The following PGPEP1L variants were observed in gnomAD, a reference collection of about 807,000 sequenced individuals.
PGPEP1L encodes pyroglutamyl-peptidase 1-like protein.
In PGPEP1L, 7 loss-of-function variants were observed where a neutral mutation model predicts 6.0. The observed-to-expected ratio is 1.17, with a 90% CI of 0.66 to 2.19. PGPEP1L has a LOEUF of 2.19. Among genes scored for constraint, PGPEP1L ranks in the 30% most tolerant of loss-of-function variants. The pLI, the probability that PGPEP1L is intolerant of heterozygous loss-of-function variation, is 0.00. For missense variants in PGPEP1L, 209 were observed against 192.5 expected, an observed-to-expected ratio of 1.09 and a Z score of -0.51; for synonymous variants, 103 against 83.9, an observed-to-expected ratio of 1.23 and a Z score of -1.24.
chr15:98,988,532 G>T (rs2017778738), intron 2 of PGPEP1L, among the ~76,000 whole-genome samples: 1 of 152,212 alleles, frequency 6.6e-6, no homozygotes, highest in Admixed American at 6.5e-5. Flanking sequence ...CTGGGACAGA[G>T]CACCTGGGGG....
intron 1 of PGPEP1L, among the ~76,000 whole-genome samples, chr15:99,006,534 AAAAC>A (rs1259048723): frequency 6.6e-6 from 1 of 152,270 alleles, no homozygotes; most frequent in Non-Finnish European, 1.5e-5. Flanking sequence ...ATTTAAAAAC[AAAAC>A]AAACTTTTGG....
At chr15:99,000,017 CCAGCTCTCT>C (rs2017938233) in intron 2 of PGPEP1L, among the ~76,000 whole-genome samples, 1 of 152,254 alleles carries the variant, frequency 6.6e-6, no homozygotes, top group Admixed American at 6.5e-5. Context: ...AAGGCCAGCG[CCAGCTCTCT>C]CAGCTTGCAG....
chr15:98,971,178 G>T lies in PGPEP1L; in HGVS notation c.-141-20C>A. The T allele has an allele frequency of 1.5e-6, 2 of 1,355,844 alleles. No individual in the cohort carries two copies. The highest frequency in any genetic ancestry group is 1.2e-5 in the South Asian group (1 of 80,842). 84.0% of individuals were successfully genotyped at this position (1,355,844 alleles called of 1,614,324 possible). A position where few individuals can be genotyped will look rare whatever the true frequency, so the allele number is the denominator to read the frequency against. ...GAGCTCCTGAGGAAAGCGGCAGGTG[G>T]ACTTGCCTCAGTTGATGGGGGGGGG... is the stretch of plus-strand genomic sequence containing the variant. On this transcript the variant is annotated intron_variant, in intron 2 of 4. Coordinates refer to ENST00000535714, the MANE Select transcript of PGPEP1L (RefSeq NM_001167902.2).
intron 3 of PGPEP1L, 62 bp downstream of exon 3, chr15:98,970,974 G>T (rs2017484542): frequency 1.2e-6 from 2 of 1,600,468 alleles, no homozygotes; most frequent in Non-Finnish European, 1.7e-6. Context: ...GGACCCGGGG[G>T]TTCAGAGGCT....
intron 2 of PGPEP1L, among the ~76,000 whole-genome samples, chr15:98,984,521 T>A (rs2017718824): frequency 6.6e-6 from 1 of 152,196 alleles, no homozygotes; most frequent in Non-Finnish European, 1.5e-5. Context: ...CCATGTGCCC[T>A]TTTGTTCATT....
At chr15:98,974,579 C>G (rs2017542252) in intron 2 of PGPEP1L, among the ~76,000 whole-genome samples, 1 of 152,082 alleles carries the variant, frequency 6.6e-6, no homozygotes, top group African/African-American at 2.4e-5. Context: ...TGAGCTGATA[C>G]CAATTCTACT....
chr15:98,975,085 TG>T, intron 2 of PGPEP1L, among the ~76,000 whole-genome samples: 1 of 152,214 alleles, frequency 6.6e-6, no homozygotes. Context: ...CATGAATGAA[TG>T]AATGAATGGA....
chr15:98,969,038 T>C (rs779816092), intron 4 of PGPEP1L, among the ~76,000 whole-genome samples: 1 of 152,216 alleles, frequency 6.6e-6, no homozygotes, highest in African/African-American at 2.4e-5. Context: ...CTACTGGGGA[T>C]CGGAGTTTGG....
intron 2 of PGPEP1L, among the ~76,000 whole-genome samples, chr15:98,975,048 C>T (rs1333768407): frequency 6.6e-6 from 1 of 152,030 alleles, no homozygotes; most frequent in Non-Finnish European, 1.5e-5. Flanking sequence ...TTCATAATAG[C>T]CAGGATATGA....
At chr15:98,979,046 TA>T (rs201925479) in intron 2 of PGPEP1L, among the ~76,000 whole-genome samples, 11,691 of 151,020 alleles carry the variant, frequency 0.077, 574 homozygotes, top group African/African-American at 0.13. Flanking sequence ...TATATATATA[TA>T]TATTTTTATT....
intron 2 of PGPEP1L, among the ~76,000 whole-genome samples, chr15:98,996,964 G>A (rs2017897238): frequency 6.6e-6 from 1 of 152,156 alleles, no homozygotes; most frequent in Non-Finnish European, 1.5e-5. Context: ...CCATTTCACA[G>A]ATGAGAAAAT....
chr15:99,001,504 C>T (rs1194157088), intron 2 of PGPEP1L, among the ~76,000 whole-genome samples: 2 of 152,062 alleles, frequency 1.3e-5, no homozygotes, highest in Non-Finnish European at 2.9e-5. Context: ...TATGTAACTT[C>T]GTGACTATAC....
chr15:98,993,058 T>C (rs1175824392), intron 2 of PGPEP1L, among the ~76,000 whole-genome samples: 1 of 152,178 alleles, frequency 6.6e-6, no homozygotes, highest in Non-Finnish European at 1.5e-5. Flanking sequence ...AAAGACTTCA[T>C]GACTAAAACA....
At chr15:99,001,192 G>C (rs1555472967) in intron 2 of PGPEP1L, 3 of 431,130 alleles carry the variant, frequency 7.0e-6, no homozygotes, top group South Asian at 3.3e-5. Flanking sequence ...CTCACCACGA[G>C]AGTCCGCGGC....
chr15:98,981,682 T>C (rs1352220223), intron 2 of PGPEP1L, among the ~76,000 whole-genome samples: 1 of 152,142 alleles, frequency 6.6e-6, no homozygotes, highest in African/African-American at 2.4e-5. Flanking sequence ...GGACTTTATG[T>C]AAAGGTAATA....
chr15:98,986,475 A>G (rs880003115), intron 2 of PGPEP1L, among the ~76,000 whole-genome samples: 2 of 152,240 alleles, frequency 1.3e-5, no homozygotes, highest in East Asian at 3.8e-4. Flanking sequence ...TCAGGAGGGT[A>G]ACGTGCCAAC....
At chr15:98,975,614 C>T (rs1048433144) in intron 2 of PGPEP1L, among the ~76,000 whole-genome samples, 5 of 152,188 alleles carry the variant, frequency 3.3e-5, no homozygotes, top group African/African-American at 1.2e-4. Flanking sequence ...GGCATGGTCG[C>T]TCACGCCTGT....
rs747460829 is a variant in PGPEP1L at position 98,968,582 on chromosome 15, A to G, written c.325T>C (p.Leu109=). Residue 109 remains leucine (L), a synonymous_variant, in exon 5 of 5, where the codon TTG becomes CTG. Transcript: ENST00000535714. The part of the protein sequence containing the change: ...GLPASLLGRA[L]RVIIQEMLEE... ...AGCATTTCCTGGATGATGACTCTCA[A>G]GGCTCTTCCCAGCAGGCTGGCCGGG... is the stretch of plus-strand genomic sequence containing the variant. The G allele has an allele frequency of 1.1e-5, 17 of 1,612,056 alleles. No homozygotes were observed. The highest frequency in any genetic ancestry group is 2.7e-5 in the African/African-American group (2 of 74,918).
chr15:98,973,130 A>G (rs2017523254), intron 2 of PGPEP1L, among the ~76,000 whole-genome samples: 1 of 152,214 alleles, frequency 6.6e-6, no homozygotes, highest in African/African-American at 2.4e-5. Flanking sequence ...ACATCATATA[A>G]TGACAAAGGG....
Sources: gnomAD v4.1 joint callset for allele counts (sites outside exome capture counted in the v4.1 genomes callset) on GRCh38, gnomAD v4.1.1 for gene constraint, MANE v1.5 for transcripts, NCBI Gene and HGNC (gene_info 2026-07-23, HGNC 2026-07-21) for gene names.